Variants in CNTNAP5 observed in about 807,000 individuals in gnomAD.
CNTNAP5 encodes contactin associated protein family member 5, also known as contactin-associated protein-like 5.
Under a neutral mutation model 150.2 loss-of-function variants are expected in CNTNAP5, and 72 were observed. The ratio of observed to expected loss-of-function variants is 0.48; its 90% confidence interval spans 0.40 to 0.58. The LOEUF is 0.58. CNTNAP5 is among the 20% of genes least tolerant of loss of function. The pLI is 0.00. For synonymous variants in CNTNAP5, 672 were observed against 619.8 expected (o/e 1.08, Z -1.25); for missense variants, 1,636 against 1,626.2 (o/e 1.01, Z -0.10).
intron 21 of CNTNAP5, among the ~76,000 whole-genome samples, chr2:124,885,414 A>G (rs1287451705): frequency 1.3e-5 from 2 of 151,982 alleles, no homozygotes; most frequent in African/African-American, 4.8e-5. Flanking sequence ...AGACCATTAT[A>G]ATACCCTCTC....
chr2:124,442,976 C>T (rs1375895465), intron 5 of CNTNAP5, among the ~76,000 whole-genome samples: 1 of 152,020 alleles, frequency 6.6e-6, no homozygotes, highest in Non-Finnish European at 1.5e-5. Context: ...AAAGGCACTC[C>T]TAGGCATTTA....
rs138747737 is a variant in CNTNAP5, at chr2:124,689,808, G to C, written c.2077+41850G>C. 2.4e-4 allele frequency among the ~76,000 whole-genome samples: 37 copies of C among 152,150 alleles called. No homozygotes were observed. The East Asian group carries it at 7.0e-3, about 29-fold the overall frequency. On this transcript the variant is annotated intron_variant, in intron 13 of 23. Coordinates refer to ENST00000682447, the MANE Select transcript of CNTNAP5 (RefSeq NM_001367498.1). Reference sequence around the variant, plus strand: ...AGTTCAGTTGGTCTTGCTGTGAGCAGAAGTACAGACTTCTGTAAGAAGTAA... The same window carrying C: ...AGTTCAGTTGGTCTTGCTGTGAGCACAAGTACAGACTTCTGTAAGAAGTAA...
intron 19 of CNTNAP5, among the ~76,000 whole-genome samples, chr2:124,799,289 C>T (rs935880774): frequency 2.0e-5 from 3 of 152,148 alleles, no homozygotes; most frequent in Non-Finnish European, 2.9e-5. Context: ...GAATGGTGAA[C>T]GACACCACTT....
At chr2:124,888,737 G>A (rs771815360) in intron 21 of CNTNAP5, among the ~76,000 whole-genome samples, 4 of 151,880 alleles carry the variant, frequency 2.6e-5, no homozygotes, top group Admixed American at 1.3e-4. Flanking sequence ...TCACTTGTAC[G>A]TCTTCTTTTA....
intron 17 of CNTNAP5, among the ~76,000 whole-genome samples, chr2:124,786,432 AAG>A (rs1681587916): frequency 4.1e-5 from 5 of 121,366 alleles, no homozygotes; most frequent in African/African-American, 1.5e-4. Context: ...GGAAGGAAGG[AAG>A]GAAGGAAGGA....
intron 6 of CNTNAP5, among the ~76,000 whole-genome samples, chr2:124,473,014 T>C (rs1312366770): frequency 2.0e-5 from 3 of 152,094 alleles, no homozygotes; most frequent in Admixed American, 2.0e-4. Flanking sequence ...TATGATTTAA[T>C]ATAAAAGTAT....
chr2:124,232,373 A>G (rs1030144628), intron 2 of CNTNAP5, among the ~76,000 whole-genome samples: 1 of 152,180 alleles, frequency 6.6e-6, no homozygotes, highest in Non-Finnish European at 1.5e-5. Flanking sequence ...AATAGTTAGA[A>G]GGAGTCTACT....
At chr2:124,463,823 CTG>C (rs1231708861) in intron 6 of CNTNAP5, among the ~76,000 whole-genome samples, 4 of 152,084 alleles carry the variant, frequency 2.6e-5, no homozygotes, top group Non-Finnish European at 4.4e-5. Flanking sequence ...TAGGGGGACA[CTG>C]TGTGTGTGGC....
intron 1 of CNTNAP5, among the ~76,000 whole-genome samples, chr2:124,137,789 C>A (rs1036568397): frequency 6.6e-6 from 1 of 151,874 alleles, no homozygotes; most frequent in African/African-American, 2.4e-5. Context: ...GTGGAGAAGT[C>A]GGTGGTCGCT....
chr2:124,606,912 G>A (rs552780115), intron 11 of CNTNAP5, among the ~76,000 whole-genome samples: 7 of 151,974 alleles, frequency 4.6e-5, no homozygotes, highest in Admixed American at 1.3e-4. Flanking sequence ...AGGACACAGC[G>A]AAACCATATT....
chr2:124,482,895 T>C (rs142293305), intron 7 of CNTNAP5, among the ~76,000 whole-genome samples: 1 of 152,184 alleles, frequency 6.6e-6, no homozygotes, highest in South Asian at 2.1e-4. Context: ...GAATAGAAAC[T>C]TTTATGTGAG....
chr2:124,343,792 T>A (rs558504332), intron 3 of CNTNAP5, among the ~76,000 whole-genome samples: 1 of 152,332 alleles, frequency 6.6e-6, no homozygotes, highest in East Asian at 1.9e-4. Context: ...TAAGGCTAGA[T>A]AATTTATAAA....
intron 3 of CNTNAP5, among the ~76,000 whole-genome samples, chr2:124,365,199 G>T (rs764783868): frequency 6.6e-6 from 1 of 151,794 alleles, no homozygotes; most frequent in Admixed American, 6.6e-5. Flanking sequence ...AATTGTGGTC[G>T]CAGCTACTCA....
chr2:124,405,477 G>A (rs1053151354), intron 3 of CNTNAP5, among the ~76,000 whole-genome samples: 1 of 152,194 alleles, frequency 6.6e-6, no homozygotes, highest in African/African-American at 2.4e-5. Context: ...GATTATGGGA[G>A]TGAAGTAAAA....
chr2:124,114,089 A>G (rs1230704646), intron 1 of CNTNAP5, among the ~76,000 whole-genome samples: 2 of 152,034 alleles, frequency 1.3e-5, no homozygotes, highest in Non-Finnish European at 2.9e-5. Flanking sequence ...ATCATTAGCT[A>G]TACTTCTTAT....
At chr2:124,051,400 C>A (rs1235006744) in intron 1 of CNTNAP5, among the ~76,000 whole-genome samples, 3 of 152,166 alleles carry the variant, frequency 2.0e-5, no homozygotes, top group Non-Finnish European at 4.4e-5. Context: ...TCTAAGGAAG[C>A]ATGTTAATAA....
chr2:124,608,882 T>A (rs1553422200), intron 11 of CNTNAP5, among the ~76,000 whole-genome samples: 1 of 151,522 alleles, frequency 6.6e-6, no homozygotes, highest in Non-Finnish European at 1.5e-5. Context: ...GAGGCGAGTT[T>A]GTAGTGAGCC....
intron 9 of CNTNAP5, among the ~76,000 whole-genome samples, chr2:124,526,413 G>A (rs576046041): frequency 6.6e-6 from 1 of 152,284 alleles, no homozygotes; most frequent in South Asian, 2.1e-4. Flanking sequence ...AGCAGTGACT[G>A]TCTATTAGAG....
At chr2:124,570,638 C>G (rs1044940110) in intron 11 of CNTNAP5, among the ~76,000 whole-genome samples, 1 of 151,826 alleles carries the variant, frequency 6.6e-6, no homozygotes, top group Non-Finnish European at 1.5e-5. Flanking sequence ...GGTGATGGTG[C>G]TTTGGAGCAT....
Sources: gnomAD v4.1 joint callset for allele counts (sites outside exome capture counted in the v4.1 genomes callset) on GRCh38, gnomAD v4.1.1 for gene constraint, MANE v1.5 for transcripts, NCBI Gene and HGNC (gene_info 2026-07-23, HGNC 2026-07-21) for gene names.